Variants in DLGAP1 observed in about 807,000 individuals in gnomAD.
DLGAP1 encodes the protein DLG associated protein 1.
In DLGAP1, 11 loss-of-function variants were observed where a neutral mutation model predicts 90.8. The observed-to-expected ratio is 0.12, with a 90% CI of 0.08 to 0.20. The LOEUF (loss-of-function observed/expected upper bound fraction) is 0.20, where lower values mean the gene tolerates loss of function less well. Among genes scored for constraint, DLGAP1 ranks in the 10% least tolerant of loss-of-function variants. DLGAP1 has a pLI of 1.00. For synonymous variants in DLGAP1, 558 were observed against 540.7 expected, an observed-to-expected ratio of 1.03 and a Z score of -0.44; for missense variants, 1,050 against 1,333.8, an observed-to-expected ratio of 0.79 and a Z score of 3.31.
At chr18:4,371,516 T>C (rs1013155229) in intron 1 of DLGAP1, among the ~76,000 whole-genome samples, 2 of 152,246 alleles carry the variant, frequency 1.3e-5, no homozygotes, top group Non-Finnish European at 2.9e-5. Context: ...AAACCCTATT[T>C]CACTTCAAAT....
At chr18:4,331,343 A>G (rs11875840) in intron 1 of DLGAP1, among the ~76,000 whole-genome samples, 70,192 of 151,268 alleles carry the variant, frequency 0.46, 17,536 homozygotes, top group Non-Finnish European at 0.55. Flanking sequence ...AACTTAGGAA[A>G]TGACTCCATT....
chr18:4,116,618 A>G (rs1598428083), intron 2 of DLGAP1, among the ~76,000 whole-genome samples: 1 of 152,074 alleles, frequency 6.6e-6, no homozygotes, highest in Non-Finnish European at 1.5e-5. Flanking sequence ...CTACCAGCTC[A>G]GACTGTCTCT....
chr18:4,130,629 T>A (rs558232855), intron 2 of DLGAP1, among the ~76,000 whole-genome samples: 1 of 152,274 alleles, frequency 6.6e-6, no homozygotes, highest in East Asian at 1.9e-4. Flanking sequence ...GAAGTTTACA[T>A]TCCAGTAGAA....
chr18:3,833,186 C>A (rs1263082098), intron 4 of DLGAP1, among the ~76,000 whole-genome samples: 1,289 of 54,746 alleles, frequency 0.024, 181 homozygotes, highest in African/African-American at 0.077. Flanking sequence ...TCCTTCCTTC[C>A]TTCCTTCCTT....
chr18:4,015,026 T>A (rs1448470933), intron 2 of DLGAP1, among the ~76,000 whole-genome samples: 14 of 152,208 alleles, frequency 9.2e-5, no homozygotes, highest in Admixed American at 9.2e-4. Context: ...GCCTTTGAAC[T>A]GTTTGCTGCT....
At chr18:3,663,914 C>A (rs1465347442) in intron 7 of DLGAP1, among the ~76,000 whole-genome samples, 1 of 152,134 alleles carries the variant, frequency 6.6e-6, no homozygotes, top group Non-Finnish European at 1.5e-5. Context: ...GCAGACTTCC[C>A]TTCCTAAGGT....
intron 2 of DLGAP1, among the ~76,000 whole-genome samples, chr18:4,111,853 G>T (rs2075978482): frequency 6.6e-6 from 1 of 151,340 alleles, no homozygotes; most frequent in African/African-American, 2.4e-5. Flanking sequence ...CTAACTAAAG[G>T]GATGCCAGCT....
intron 7 of DLGAP1, among the ~76,000 whole-genome samples, chr18:3,687,321 T>C (rs1253614990): frequency 6.6e-6 from 1 of 152,204 alleles, no homozygotes; most frequent in Admixed American, 6.5e-5. Context: ...GGTGCCCAGG[T>C]AGGAGGCTTT....
At chr18:4,076,848 T>C (rs1280633849) in intron 2 of DLGAP1, among the ~76,000 whole-genome samples, 1 of 152,164 alleles carries the variant, frequency 6.6e-6, no homozygotes, top group Non-Finnish European at 1.5e-5. Flanking sequence ...GGTTTTGAAC[T>C]CCTGACCTCA....
At chr18:4,129,554 A>G (rs1424961256) in intron 2 of DLGAP1, among the ~76,000 whole-genome samples, 2 of 152,092 alleles carry the variant, frequency 1.3e-5, no homozygotes, top group East Asian at 1.9e-4. Context: ...TTTCTTGTAG[A>G]TATGTGCTTT....
At chr18:3,959,613 G>A (rs776260609) in intron 3 of DLGAP1, among the ~76,000 whole-genome samples, 1 of 151,698 alleles carries the variant, frequency 6.6e-6, no homozygotes, top group Non-Finnish European at 1.5e-5. Context: ...GCGGGGAGCT[G>A]AGTTCATACC....
intron 7 of DLGAP1, among the ~76,000 whole-genome samples, chr18:3,669,515 G>A (rs1046956305): frequency 2.0e-5 from 3 of 152,210 alleles, no homozygotes; most frequent in Admixed American, 6.5e-5. Flanking sequence ...AGACACGAGT[G>A]GTTATGTGTC....
chr18:3,623,685 G>C (rs1279008437), intron 7 of DLGAP1, among the ~76,000 whole-genome samples: 1 of 150,820 alleles, frequency 6.6e-6, no homozygotes, highest in Non-Finnish European at 1.5e-5. Context: ...CCTGAGGCAG[G>C]AGAATCGCTT....
At chr18:4,215,844 G>C (rs903093496) in intron 1 of DLGAP1, among the ~76,000 whole-genome samples, 2 of 152,168 alleles carry the variant, frequency 1.3e-5, no homozygotes, top group Admixed American at 1.3e-4. Context: ...CATTTCTCCT[G>C]CCAAAAGTGG....
chr18:3,960,750 C>T (rs1289906621), intron 3 of DLGAP1, among the ~76,000 whole-genome samples: 4 of 152,308 alleles, frequency 2.6e-5, no homozygotes, highest in Admixed American at 6.5e-5. Flanking sequence ...GTTCAGTCCT[C>T]GGCGCCTCTA....
At chr18:3,785,667 G>C (rs1490488065) in intron 5 of DLGAP1, among the ~76,000 whole-genome samples, 2 of 152,200 alleles carry the variant, frequency 1.3e-5, no homozygotes, top group Non-Finnish European at 2.9e-5. Flanking sequence ...TTGTGAAAAG[G>C]TCTGTCCAGG....
intron 1 of DLGAP1, among the ~76,000 whole-genome samples, chr18:4,189,917 C>A (rs1190184134): frequency 6.6e-6 from 1 of 152,064 alleles, no homozygotes; most frequent in East Asian, 1.9e-4. Context: ...ACCTTAGAAG[C>A]AACAGGCGCT....
chr18:4,361,294 A>C (rs1240236609), intron 1 of DLGAP1, among the ~76,000 whole-genome samples: 2 of 152,218 alleles, frequency 1.3e-5, no homozygotes, highest in Admixed American at 1.3e-4. Context: ...GAAATCCTGA[A>C]TAGCCAAAAC....
chr18:4,371,973 G>T (rs2081926260), intron 1 of DLGAP1, among the ~76,000 whole-genome samples: 1 of 152,208 alleles, frequency 6.6e-6, no homozygotes, highest in Non-Finnish European at 1.5e-5. Context: ...AGACCAGGCT[G>T]CTGTTCTTGG....
Sources: gnomAD v4.1 joint callset for allele counts (sites outside exome capture counted in the v4.1 genomes callset) on GRCh38, gnomAD v4.1.1 for gene constraint, MANE v1.5 for transcripts, NCBI Gene and HGNC (gene_info 2026-07-23, HGNC 2026-07-21) for gene names.